The following SRC variants were observed in gnomAD, a reference collection of about 807,000 sequenced individuals.
The protein encoded by SRC is proto-oncogene tyrosine-protein kinase Src.
In SRC, 13 loss-of-function variants were observed where a neutral mutation model predicts 62.9. The observed-to-expected ratio is 0.21, with a 90% CI of 0.13 to 0.33. The LOEUF (loss-of-function observed/expected upper bound fraction) is 0.33, where lower values mean the gene tolerates loss of function less well. Among genes scored for constraint, SRC ranks in the 10% least tolerant of loss-of-function variants. SRC has a pLI of 1.00. For missense variants in SRC, 457 were observed against 737.3 expected, an observed-to-expected ratio of 0.62 and a Z score of 4.40; for synonymous variants, 302 against 317.5, an observed-to-expected ratio of 0.95 and a Z score of 0.52.
chr20:37,393,751 T>C (rs6018256), intron 5 of SRC, 144 bp from the exon 6 acceptor site: 79,624 of 613,516 alleles, frequency 0.13, 9,303 homozygotes, highest in African/African-American at 0.47. Flanking sequence ...TGGCATGCTG[T>C]GGGGACTCAC....
At chr20:37,372,170 G>A (rs969226962) in intron 2 of SRC, among the ~76,000 whole-genome samples, 2 of 125,620 alleles carry the variant, frequency 1.6e-5, no homozygotes, top group South Asian at 2.3e-4. Flanking sequence ...ACGATTTTTC[G>A]TGTGTGTGTG....
intron 2 of SRC, among the ~76,000 whole-genome samples, chr20:37,370,222 C>G (rs6018088): frequency 2.6e-5 from 4 of 152,108 alleles, no homozygotes; most frequent in Admixed American, 2.0e-4. Context: ...GAATTATTAC[C>G]TGGTTCTTGA....
In SRC at chr20:37,390,388, C is replaced by CTTTT. The variant is rs562064689; in HGVS notation, c.351-3483_351-3480dup. 9.3e-5 allele frequency among the ~76,000 whole-genome samples: 8 copies of CTTTT among 85,658 alleles called. 1 individual carries two copies. Among genetic ancestry groups the CTTTT allele is most frequent in the African/African-American group, 1.9e-4 (4 of 21,540 alleles). 56.2% of individuals were successfully genotyped at this position (85,658 alleles called of 152,430 possible). A position where few individuals can be genotyped will look rare whatever the true frequency, so the allele number is the denominator to read the frequency against. On this transcript the variant is annotated intron_variant, in intron 5 of 13. Transcript: ENST00000373578. Reference sequence around the variant, plus strand: ...CATGTTGTGCTGGGCTCTGATCTGGCTTTTTTTTTTTTTTTTTTTTTTTTT... The same window carrying CTTTT: ...CATGTTGTGCTGGGCTCTGATCTGGCTTTTTTTTTTTTTTTTTTTTTTTTTTTTT...
At chr20:37,348,236 C>G (rs1188523860) in intron 1 of SRC, among the ~76,000 whole-genome samples, 1 of 152,196 alleles carries the variant, frequency 6.6e-6, no homozygotes, top group Non-Finnish European at 1.5e-5. Flanking sequence ...CTTGTTGGAG[C>G]ATGACTTATC....
chr20:37,371,949 C>A (rs1313301012), intron 2 of SRC, among the ~76,000 whole-genome samples: 2 of 152,128 alleles, frequency 1.3e-5, no homozygotes, highest in African/African-American at 4.8e-5. Context: ...ATCCGCCCCC[C>A]CTTGGTCTCC....
At chr20:37,390,493 G>C (rs575106243) in intron 5 of SRC, among the ~76,000 whole-genome samples, 3 of 149,936 alleles carry the variant, frequency 2.0e-5, no homozygotes, top group Non-Finnish European at 3.0e-5. Flanking sequence ...TACCTTCTGG[G>C]TTCAAGTGAT....
In SRC at chr20:37,384,362, C is replaced by G; in HGVS notation, c.209C>G (p.Ser70Trp). The G allele has an allele frequency of 6.8e-7, 1 of 1,462,156 alleles. No individual in the cohort carries two copies. The highest frequency in any genetic ancestry group is 1.3e-5 in the South Asian group (1 of 76,754). The allele number at this position is 1,462,156 out of a possible 1,614,324, so 90.6% of individuals were successfully genotyped here. ...EPKLFGGFNS[S>W]DTVTSPQRAG... ...AAGCTGTTCGGAGGCTTCAACTCCT[C>G]GGACACCGTCACCTCCCCGCAGAGG... The change falls in exon 4 of 14, where the codon TCG becomes TGG. Residue 70 changes from serine (S) to tryptophan (W), a missense_variant. Physicochemically the swap from Ser to Trp is radical, Grantham distance 177. Around this residue, in one of 4 missense-constraint regions of SRC, gnomAD observed 132 missense variants for 135.4 expected, o/e 0.98. Coordinates refer to ENST00000373578, the MANE Select transcript of SRC (RefSeq NM_198291.3). This position sits in a 1 kb window ranked among gnomAD's most constrained non-coding sequence, Gnocchi z 6.7.
chr20:37,368,528 T>TTTTGTTTTTTTTTGTTTTTTTTTTTTG (rs2070106137), intron 2 of SRC, among the ~76,000 whole-genome samples: 1 of 124,592 alleles, frequency 8.0e-6, no homozygotes, highest in African/African-American at 3.7e-5. Flanking sequence ...CTTTTTTTTT[T>TTTTGTTTTTTTTTGTTTTTTTTTTTTG]TTTTTTTTTT....
chr20:37,356,636 C>A (rs1173754952), intron 1 of SRC, among the ~76,000 whole-genome samples: 2 of 152,136 alleles, frequency 1.3e-5, no homozygotes, highest in Admixed American at 6.5e-5. Context: ...CTGGCAGATT[C>A]CCAAGGCGCC....
Position 37,396,511 on chromosome 20 carries a change from C to G in SRC, c.703+200C>G. The stretch of plus-strand genomic sequence containing the variant: ...CTTCTTCCTCTTCTTTCCCCCAGCC[C>G]CCCTCCTCCCTGTCCCCCTCTCTCC... On this transcript the variant is annotated intron_variant, in intron 8 of 13. Coordinates refer to ENST00000373578, the MANE Select transcript of SRC (RefSeq NM_198291.3). The surrounding 1 kb of genome is among the most constrained non-coding windows in gnomAD (Gnocchi z 6.1). 1.5e-6 allele frequency: 1 copy of G among 675,238 alleles called. No homozygotes were observed. The highest frequency in any genetic ancestry group is 2.8e-5 in the East Asian group (1 of 36,252). 41.8% of individuals were successfully genotyped at this position (675,238 alleles called of 1,614,324 possible). A position where few individuals can be genotyped will look rare whatever the true frequency, so the allele number is the denominator to read the frequency against.
chr20:37,352,850 G>T (rs916734163), intron 1 of SRC, among the ~76,000 whole-genome samples: 6 of 152,166 alleles, frequency 3.9e-5, no homozygotes, highest in Admixed American at 6.5e-5. Context: ...CCACTGCCTG[G>T]TGTGCCCTCC....
rs1389379432 is a variant in SRC at position 37,402,822 on chromosome 20, G to C, written c.1344G>C (p.Val448=). Residue 448 remains valine, a synonymous_variant, in exon 13 of 14, where the codon GTG becomes GTC. Coordinates refer to ENST00000373578, the MANE Select transcript of SRC (RefSeq NM_198291.3). The surrounding 1 kb of genome is among the most constrained non-coding windows in gnomAD (Gnocchi z 6.2). ...LYGRFTIKSD[V]WSFGILLTEL... Reference sequence around the variant, plus strand: ...GCCGCTTCACCATCAAGTCGGACGTGTGGTCCTTCGGGATCCTGCTGACTG... The same window carrying C: ...GCCGCTTCACCATCAAGTCGGACGTCTGGTCCTTCGGGATCCTGCTGACTG... 6.2e-7 allele frequency: 1 copy of C among 1,614,080 alleles called. No individual in the cohort carries two copies. Among genetic ancestry groups the C allele is most frequent in the South Asian group, 1.1e-5 (1 of 91,068 alleles).
At chr20:37,387,566 G>T (rs1373811381) in intron 5 of SRC, among the ~76,000 whole-genome samples, 1 of 151,062 alleles carries the variant, frequency 6.6e-6, no homozygotes. Flanking sequence ...GGGTGGGAGG[G>T]GGGGCTCTCC....
At chr20:37,388,827 G>A (rs1419202111) in intron 5 of SRC, among the ~76,000 whole-genome samples, 1 of 151,992 alleles carries the variant, frequency 6.6e-6, no homozygotes, top group Non-Finnish European at 1.5e-5. Context: ...TTTGGGGGGC[G>A]GGGCTTGGTA....
intron 5 of SRC, among the ~76,000 whole-genome samples, chr20:37,393,307 C>T (rs894879087): frequency 3.3e-5 from 5 of 152,226 alleles, no homozygotes; most frequent in Non-Finnish European, 7.3e-5. Flanking sequence ...TGATTTGGGA[C>T]AGAGGCAAGC....
intron 2 of SRC, among the ~76,000 whole-genome samples, chr20:37,374,561 T>A (rs1195625363): frequency 7.0e-6 from 1 of 143,162 alleles, no homozygotes; most frequent in Non-Finnish European, 1.5e-5. Context: ...CCAAATACTA[T>A]AATAATACTC....
chr20:37,354,955 G>T (rs879302024), intron 1 of SRC, among the ~76,000 whole-genome samples: 5 of 152,206 alleles, frequency 3.3e-5, no homozygotes, highest in Non-Finnish European at 5.9e-5. Context: ...AATGGGTACG[G>T]CTGTGAGGAC....
intron 5 of SRC, among the ~76,000 whole-genome samples, chr20:37,391,666 C>A (rs546061623): frequency 2.0e-5 from 3 of 152,156 alleles, no homozygotes; most frequent in Non-Finnish European, 4.4e-5. Context: ...CCACCCTGGC[C>A]AACATGGTGA....
chr20:37,368,480 A>G (rs2070100143), intron 2 of SRC, among the ~76,000 whole-genome samples: 1 of 144,568 alleles, frequency 6.9e-6, no homozygotes, highest in African/African-American at 2.5e-5. Context: ...AAAAAAAGAA[A>G]TCATAATCCA....
Sources: gnomAD v4.1 joint callset for allele counts (sites outside exome capture counted in the v4.1 genomes callset) on GRCh38, gnomAD v4.1.1 for gene constraint, gnomAD v4.1.1 regional missense constraint, Gnocchi (gnomAD v3.1) non-coding constraint, MANE v1.5 for transcripts, NCBI Gene and HGNC (gene_info 2026-07-23, HGNC 2026-07-21) for gene names.